EXD3: variants seen among roughly 807,000 people sequenced by gnomAD.
EXD3 encodes exonuclease 3'-5' domain containing 3, also known as exonuclease mut-7 homolog.
Under a neutral mutation model 98.0 loss-of-function variants are expected in EXD3, and 92 were observed. The ratio of observed to expected loss-of-function variants is 0.94; its 90% CI spans 0.79 to 1.12. The LOEUF (loss-of-function observed/expected upper bound fraction) is 1.12. Among genes scored for constraint, EXD3 ranks in the 50% most tolerant of loss-of-function variants. The probability of loss-of-function intolerance (pLI) is 0.00; values close to 1 mark genes in which losing one functional copy is unlikely to be tolerated. For synonymous variants in EXD3, 569 were observed against 526.0 expected, an observed-to-expected ratio of 1.08 and a Z score of -1.12; for missense variants, 1,222 against 1,191.6, an observed-to-expected ratio of 1.03 and a Z score of -0.38.
intron 1 of EXD3, among the ~76,000 whole-genome samples, chr9:137,412,027 C>T (rs934122132): frequency 1.1e-4 from 16 of 152,128 alleles, no homozygotes; most frequent in African/African-American, 3.6e-4. Flanking sequence ...CCTGGCACCC[C>T]GATGGGGGGC....
At chr9:137,409,610 G>A (rs1013947918) in intron 1 of EXD3, among the ~76,000 whole-genome samples, 8 of 150,136 alleles carry the variant, frequency 5.3e-5, no homozygotes, top group Non-Finnish European at 1.2e-4. Flanking sequence ...GGAGGGAGCT[G>A]TGTCTACAAA....
At chr9:137,357,729 G>GAT (rs1431672570) in intron 7 of EXD3, among the ~76,000 whole-genome samples, 40 of 104,098 alleles carry the variant, frequency 3.8e-4, no homozygotes, top group East Asian at 1.9e-3. Flanking sequence ...TTATATACAG[G>GAT]ATATATATAT....
intron 20 of EXD3, among the ~76,000 whole-genome samples, chr9:137,308,057 G>T (rs1337937599): frequency 6.6e-6 from 1 of 152,056 alleles, no homozygotes; most frequent in Non-Finnish European, 1.5e-5. Context: ...CAGGGCCCAG[G>T]GACTGCCAGG....
chr9:137,330,171 A>G (rs1832945076), intron 17 of EXD3, among the ~76,000 whole-genome samples: 1 of 135,026 alleles, frequency 7.4e-6, no homozygotes, highest in African/African-American at 3.0e-5. Context: ...ACTACACCGG[A>G]GCTACACGGG....
chr9:137,404,064 T>C lies in EXD3; in HGVS notation c.-47-8660A>G, dbSNP rs531462241. Among the ~76,000 whole-genome samples, 31 of 152,226 alleles carry C rather than the reference T, an allele frequency of 2.0e-4. No individual in the cohort carries two copies. The East Asian group carries it at 5.8e-3, about 28-fold the overall frequency. On this transcript the variant is annotated intron_variant, in intron 1 of 21. Transcript: ENST00000340951. The stretch of plus-strand genomic sequence containing the variant: ...GGTGGGCCCCACTCCCTGGGTCTCC[T>C]CCCTGGGTCCTCACGGGTCCCCCCA...
chr9:137,381,415 C>CAAAA lies in EXD3; in HGVS notation c.120+1894_120+1897dup, dbSNP rs61183889. 6.1e-3 allele frequency among the ~76,000 whole-genome samples: 312 copies of CAAAA among 50,766 alleles called. 18 individuals carry two copies. Among genetic ancestry groups the CAAAA allele is most frequent in the African/African-American group, 0.018 (265 of 14,968 alleles). The allele number at this position is 50,766 out of a possible 152,430, so 33.3% of individuals were successfully genotyped here. A position where few individuals can be genotyped will look rare whatever the true frequency, so the allele number is the denominator to read the frequency against. ...TGGGTGACAGAACAAGACTCCTTCT[C>CAAAA]AAAAAAAAAAAAAAAAAAAAAAAAG... On this transcript the variant is annotated intron_variant, in intron 3 of 21. Coordinates refer to ENST00000340951, the MANE Select transcript of EXD3 (RefSeq NM_017820.5).
intron 1 of EXD3, among the ~76,000 whole-genome samples, chr9:137,420,134 T>C (rs1318852967): frequency 6.6e-6 from 1 of 151,664 alleles, no homozygotes; most frequent in Non-Finnish European, 1.5e-5. Context: ...CACTCCAGCC[T>C]GGGCGACAGA....
intron 2 of EXD3, 85 bp from the exon 3 acceptor site, chr9:137,383,462 C>A: frequency 9.6e-7 from 1 of 1,039,330 alleles, no homozygotes; most frequent in African/African-American, 1.6e-5. Context: ...CTCCCACTGA[C>A]CCGCAATGCC....
Position 137,347,604 on chromosome 9 carries a change from T to G in EXD3, c.1998+467A>C, listed in dbSNP as rs1307437256. 6.6e-6 allele frequency among the ~76,000 whole-genome samples: 1 copy of G among 152,046 alleles called. No individual in the cohort carries two copies. On this transcript the variant is annotated intron_variant, in intron 17 of 21. Coordinates refer to ENST00000340951, the MANE Select transcript of EXD3 (RefSeq NM_017820.5). The surrounding 1 kb of genome is among the most constrained non-coding windows in gnomAD (Gnocchi z 4.2). The stretch of plus-strand genomic sequence containing the variant: ...GATTACAGGCGCCCGCCACTACGCC[T>G]GGCTAATTTTTCTATTTTTGGTACA...
intron 1 of EXD3, among the ~76,000 whole-genome samples, chr9:137,396,234 C>T (rs540705702): frequency 9.2e-5 from 14 of 152,350 alleles, no homozygotes; most frequent in African/African-American, 3.4e-4. Context: ...TCCCAAAGTG[C>T]TGGGACTACA....
intron 8 of EXD3, among the ~76,000 whole-genome samples, chr9:137,355,589 A>G (rs147400887): frequency 0.063 from 128 of 2,038 alleles, 18 homozygotes; most frequent in African/African-American, 0.11. Flanking sequence ...GAGGAAGGAG[A>G]AAGGGCGGAA....
At chr9:137,388,352 A>G (rs1836717302) in intron 2 of EXD3, among the ~76,000 whole-genome samples, 1 of 152,046 alleles carries the variant, frequency 6.6e-6, no homozygotes, top group African/African-American at 2.4e-5. Flanking sequence ...GCGCCGGCCG[A>G]CGGGAGGACG....
intron 1 of EXD3, among the ~76,000 whole-genome samples, chr9:137,415,117 A>T (rs994721360): frequency 3.3e-5 from 5 of 151,806 alleles, no homozygotes; most frequent in Admixed American, 2.0e-4. Flanking sequence ...TGAACTCCTG[A>T]CCACAAGCAA....
At chr9:137,316,093 C>G (rs1048344045) in intron 19 of EXD3, among the ~76,000 whole-genome samples, 1 of 151,780 alleles carries the variant, frequency 6.6e-6, no homozygotes, top group African/African-American at 2.4e-5. Flanking sequence ...CCCGGCCCCC[C>G]CCAGCCTCGG....
rs201769533 is a variant in EXD3 at position 137,395,303 on chromosome 9, C to G, written c.55G>C (p.Gly19Arg). 260 of 1,613,228 alleles carry G rather than the reference C, an allele frequency of 1.6e-4. No individual in the cohort carries two copies. The highest frequency in any genetic ancestry group is 2.1e-4 in the Non-Finnish European group (243 of 1,179,712). ...TCGGCACCATCAGGCTCAGACTCACCCATGCGGTGGCGCTCGCCAGCGGCA... is the reference window on the plus strand; with the variant it reads ...TCGGCACCATCAGGCTCAGACTCACGCATGCGGTGGCGCTCGCCAGCGGCA... ...DPAAGERHRMGRDPLLLLQAL... is the reference protein window; with the variant it reads ...DPAAGERHRMRRDPLLLLQAL... The change falls in exon 2 of 22, where the codon GGC (glycine) becomes CGC (arginine). Residue 19 changes from glycine to arginine, a missense_variant and splice_region_variant. Physicochemically the swap from Gly to Arg is moderately radical, Grantham distance 125. Transcript: ENST00000340951. This position sits in a 1 kb window ranked among gnomAD's most constrained non-coding sequence, Gnocchi z 6.5.
In EXD3 at chr9:137,403,988, G is replaced by A. The variant is rs943339647; in HGVS notation, c.-47-8584C>T. Among the ~76,000 whole-genome samples the A allele has an allele frequency of 6.6e-6, 1 of 151,588 alleles. No individual in the cohort carries two copies. Among genetic ancestry groups the A allele is most frequent in the Non-Finnish European group, 1.5e-5 (1 of 67,880 alleles). ...CCACACACAGGGCGCGAGTGACAGG[G>A]ACGTGTGTCCTCACTGTCCCGAGGC... On this transcript the variant is annotated intron_variant, in intron 1 of 21. Transcript: ENST00000340951. The surrounding 1 kb of genome is among the most constrained non-coding windows in gnomAD (Gnocchi z 6.1).
chr9:137,332,823 GAC>G (rs1170392100), intron 17 of EXD3, among the ~76,000 whole-genome samples: 5 of 152,158 alleles, frequency 3.3e-5, no homozygotes, highest in African/African-American at 7.2e-5. Flanking sequence ...CCAGCCTGGC[GAC>G]AGACTGAGAC....
intron 3 of EXD3, 109 bp from the exon 4 acceptor site, chr9:137,373,708 G>A: frequency 7.9e-7 from 1 of 1,269,338 alleles, no homozygotes; most frequent in South Asian, 1.6e-5. Flanking sequence ...TCAGAAGGTA[G>A]CTGTGGCCAT....
chr9:137,307,189 G>A lies in EXD3; in HGVS notation c.2392C>T (p.Arg798Trp), dbSNP rs1219255914. ...GCCAGCATGTCCGGTGTCTCCGCCC[G>A]CAGGTCAGCCATCTGCAGCCAGCGG... ...PCRWLQMADL[R>W]AETPDMLADG... The change falls in exon 22 of 22, where the codon CGG (arginine) becomes TGG (tryptophan). Residue 798 changes from arginine to tryptophan, a missense_variant. Arg to Trp is a moderately radical substitution (Grantham distance 101). Coordinates refer to ENST00000340951, the MANE Select transcript of EXD3 (RefSeq NM_017820.5). 9.5e-6 allele frequency: 15 copies of A among 1,584,738 alleles called. No homozygotes were observed. Among genetic ancestry groups the A allele is most frequent in the African/African-American group, 2.7e-5 (2 of 74,266 alleles).
Sources: gnomAD v4.1 joint callset for allele counts (sites outside exome capture counted in the v4.1 genomes callset) on GRCh38, gnomAD v4.1.1 for gene constraint, Gnocchi (gnomAD v3.1) non-coding constraint, MANE v1.5 for transcripts, NCBI Gene and HGNC (gene_info 2026-07-23, HGNC 2026-07-21) for gene names.